EFCAB11: variants seen among roughly 807,000 people sequenced by gnomAD.
The protein encoded by EFCAB11 is EF-hand calcium-binding domain-containing protein 11.
Under a neutral mutation model 23.0 loss-of-function variants are expected in EFCAB11, and 14 were observed. The ratio of observed to expected loss-of-function variants is 0.61; its 90% confidence interval spans 0.40 to 0.95. EFCAB11 has a LOEUF of 0.95. Among genes scored for constraint, EFCAB11 ranks in the 40% least tolerant of loss-of-function variants. The pLI is 0.00. For missense variants in EFCAB11, 198 were observed against 195.8 expected, an observed-to-expected ratio of 1.01 and a Z score of -0.07; for synonymous variants, 65 against 66.6, an observed-to-expected ratio of 0.98 and a Z score of 0.11.
chr14:89,802,447 A>C (rs146337069), intron 5 of EFCAB11, among the ~76,000 whole-genome samples: 1 of 152,250 alleles, frequency 6.6e-6, no homozygotes, highest in South Asian at 2.1e-4. Context: ...GCTGGAGTGC[A>C]ATGGTATGAT....
intron 5 of EFCAB11, among the ~76,000 whole-genome samples, chr14:89,870,408 G>A (rs1888228114): frequency 3.9e-5 from 6 of 151,988 alleles, no homozygotes; most frequent in Admixed American, 3.9e-4. Context: ...TTTACGGGAA[G>A]ACACTACCCT....
intron 5 of EFCAB11, among the ~76,000 whole-genome samples, chr14:89,882,650 C>T (rs1888637612): frequency 1.3e-5 from 2 of 152,168 alleles, no homozygotes; most frequent in Non-Finnish European, 2.9e-5. Context: ...AGTGTACCTT[C>T]TTTGAATTTT....
At chr14:89,846,321 T>C (rs1887430529) in intron 5 of EFCAB11, among the ~76,000 whole-genome samples, 1 of 152,214 alleles carries the variant, frequency 6.6e-6, no homozygotes, top group African/African-American at 2.4e-5. Flanking sequence ...TTCTATCAGA[T>C]TTCTTGGACA....
chr14:89,941,231 T>C (rs1890780424), intron 3 of EFCAB11, among the ~76,000 whole-genome samples: 1 of 152,224 alleles, frequency 6.6e-6, no homozygotes, highest in African/African-American at 2.4e-5. Flanking sequence ...TGTTTTCCTA[T>C]TTGTTCTGGA....
chr14:89,894,095 C>G (rs1158156279), intron 5 of EFCAB11, among the ~76,000 whole-genome samples: 4 of 151,740 alleles, frequency 2.6e-5, no homozygotes, highest in Non-Finnish European at 5.9e-5. Flanking sequence ...TTCTCCTGTG[C>G]CCGCCATCAC....
rs1391065284 is a variant in EFCAB11, at chr14:89,932,591, T to C, written c.254A>G (p.Lys85Arg). The change falls in exon 4 of 6, where the codon AAA (lysine) becomes AGA (arginine). Residue 85 changes from lysine (K) to arginine (R), a missense_variant. Transcript: ENST00000316738. The stretch of plus-strand genomic sequence containing the variant: ...CCGATATCGTTGAGCTTCCTTCTTT[T>C]TCCTGACAATATTTAAAAACCCCTC... Reference protein sequence around the residue: ...LLEGFLNIVRKKKEAQRYRNE... With the variant: ...LLEGFLNIVRRKKEAQRYRNE... The C allele has an allele frequency of 1.9e-6, 3 of 1,613,762 alleles. No individual in the cohort carries two copies. The highest frequency in any genetic ancestry group is 2.2e-5 in the East Asian group (1 of 44,830).
chr14:89,874,533 C>A (rs997919423), intron 5 of EFCAB11, among the ~76,000 whole-genome samples: 13 of 152,162 alleles, frequency 8.5e-5, no homozygotes, highest in Non-Finnish European at 1.9e-4. Flanking sequence ...TTATGCTCTG[C>A]TTCCCTTTTA....
At chr14:89,858,656 A>ATTTTTTTTTT (rs10648464) in intron 5 of EFCAB11, among the ~76,000 whole-genome samples, 3 of 88,990 alleles carry the variant, frequency 3.4e-5, no homozygotes, top group South Asian at 3.8e-4. Context: ...CACCCAGCTA[A>ATTTTTTTTTT]TTTTTTTTTT....
At chr14:89,951,407 A>G (rs938288069) in intron 2 of EFCAB11, among the ~76,000 whole-genome samples, 1 of 152,046 alleles carries the variant, frequency 6.6e-6, no homozygotes, top group Admixed American at 6.6e-5. Context: ...GACCACCCAG[A>G]CTGTTATAGT....
At chr14:89,826,076 TTCTCTCTCTC>T (rs1886681026) in intron 5 of EFCAB11, among the ~76,000 whole-genome samples, 2 of 152,076 alleles carry the variant, frequency 1.3e-5, no homozygotes, top group African/African-American at 4.8e-5. Context: ...AGATCTCTCT[TTCTCTCTCTC>T]ATATACATAT....
chr14:89,911,048 A>G (rs1305303060), intron 5 of EFCAB11, among the ~76,000 whole-genome samples: 2 of 152,250 alleles, frequency 1.3e-5, no homozygotes, highest in East Asian at 3.8e-4. Flanking sequence ...GAGAAAACAG[A>G]CAAATGAATC....
chr14:89,812,597 G>A (rs532944589), intron 5 of EFCAB11, among the ~76,000 whole-genome samples: 5 of 152,270 alleles, frequency 3.3e-5, no homozygotes, highest in African/African-American at 1.2e-4. Flanking sequence ...AGCTGACCAA[G>A]GGAATAGGAT....
chr14:89,841,277 TG>T (rs1596395127), intron 5 of EFCAB11, among the ~76,000 whole-genome samples: 2 of 152,180 alleles, frequency 1.3e-5, no homozygotes, highest in African/African-American at 4.8e-5. Context: ...CTGACTCTTC[TG>T]GAACACCCCA....
intron 2 of EFCAB11, among the ~76,000 whole-genome samples, chr14:89,951,356 C>A (rs925800645): frequency 6.6e-6 from 1 of 152,090 alleles, no homozygotes; most frequent in Non-Finnish European, 1.5e-5. Flanking sequence ...CAAAGTGTTC[C>A]TAGATACTTA....
chr14:89,835,068 C>A (rs1418435862), intron 5 of EFCAB11, among the ~76,000 whole-genome samples: 3 of 152,152 alleles, frequency 2.0e-5, no homozygotes, highest in Admixed American at 6.5e-5. Context: ...GCTTTGATGA[C>A]TTCTATTTTC....
chr14:89,913,124 T>C (rs1418600384), intron 5 of EFCAB11, among the ~76,000 whole-genome samples: 1 of 152,220 alleles, frequency 6.6e-6, no homozygotes, highest in Non-Finnish European at 1.5e-5. Flanking sequence ...TGCCTGCTTC[T>C]GTGGGGAACT....
At chr14:89,954,525 A>C (rs1228983462) in intron 1 of EFCAB11, 61 bp downstream of exon 1, 1 of 1,595,988 alleles carries the variant, frequency 6.3e-7, no homozygotes, top group Non-Finnish European at 8.5e-7. Context: ...GACACGGGAG[A>C]GGAAGCGAGA....
rs562620377 is a variant in EFCAB11, at chr14:89,892,338, G to C, written c.410+39203C>G. On this transcript the variant is annotated intron_variant, in intron 5 of 5. Transcript: ENST00000316738. ...GCTATCCAGCAGGCCCTGCAGCAGG[G>C]GGACATCAAGCTAGAAGAGGGCTTG... The C allele has an allele frequency of 8.7e-6, 14 of 1,613,822 alleles. No homozygotes were observed. The East Asian group carries it at 1.3e-4, about 15-fold the overall frequency.
intron 5 of EFCAB11, among the ~76,000 whole-genome samples, chr14:89,841,937 C>T (rs1887281017): frequency 6.6e-6 from 1 of 152,056 alleles, no homozygotes; most frequent in East Asian, 1.9e-4. Flanking sequence ...GAGTGCTGAC[C>T]GGGCAGCTCC....
Sources: gnomAD v4.1 joint callset for allele counts (sites outside exome capture counted in the v4.1 genomes callset) on GRCh38, gnomAD v4.1.1 for gene constraint, MANE v1.5 for transcripts, NCBI Gene and HGNC (gene_info 2026-07-23, HGNC 2026-07-21) for gene names.